Variants in RFX3 observed in about 807,000 individuals in gnomAD.
RFX3 encodes the protein transcription factor RFX3.
In RFX3, 14 loss-of-function variants were observed where a neutral mutation model predicts 98.6. The ratio of observed to expected loss-of-function variants is 0.14; its 90% CI spans 0.09 to 0.22. RFX3 has a LOEUF of 0.22. Ranked by LOEUF, RFX3 falls within the 10% of genes least tolerant of loss-of-function variation. The probability of loss-of-function intolerance (pLI) is 1.00; values close to 1 mark genes in which losing one functional copy is unlikely to be tolerated. For missense variants in RFX3, 639 were observed against 926.9 expected, an observed-to-expected ratio of 0.69 and a Z score of 4.03; for synonymous variants, 383 against 328.4, an observed-to-expected ratio of 1.17 and a Z score of -1.80.
chr9:3,511,879 G>C (rs1257572345), intron 1 of RFX3, among the ~76,000 whole-genome samples: 1 of 152,030 alleles, frequency 6.6e-6, no homozygotes, highest in African/African-American at 2.4e-5. Context: ...TCCTGATTTA[G>C]AAATGCTGTG....
At chr9:3,389,484 G>A (rs900931668) in intron 2 of RFX3, among the ~76,000 whole-genome samples, 8 of 152,078 alleles carry the variant, frequency 5.3e-5, no homozygotes, top group Non-Finnish European at 1.0e-4. Context: ...GGGCAACAAT[G>A]TCTATATTTG....
intron 15 of RFX3, among the ~76,000 whole-genome samples, chr9:3,236,934 T>C (rs569474177): frequency 6.6e-6 from 1 of 152,338 alleles, no homozygotes; most frequent in South Asian, 2.1e-4. Flanking sequence ...GGAAAGAAGA[T>C]TTTTAAGCTG....
intron 1 of RFX3, among the ~76,000 whole-genome samples, chr9:3,502,176 G>A (rs1046341922): frequency 1.5e-4 from 23 of 151,340 alleles, no homozygotes; most frequent in African/African-American, 5.3e-4. Flanking sequence ...GGAGAATGGT[G>A]TGAACCCGGG....
chr9:3,436,521 T>C (rs987922399), intron 1 of RFX3, among the ~76,000 whole-genome samples: 8 of 152,072 alleles, frequency 5.3e-5, no homozygotes, highest in Non-Finnish European at 1.0e-4. Flanking sequence ...AAAACTAATA[T>C]ACCTTAAAAT....
At position 3,505,281 on chromosome 9, in the gene RFX3, T is replaced by TA. The variant is rs1564187076; in HGVS notation, c.-9+20465dup. 4.3e-3 allele frequency among the ~76,000 whole-genome samples: 312 copies of TA among 72,922 alleles called. 45 individuals carry two copies. The highest frequency in any genetic ancestry group is 0.018 in the East Asian group (49 of 2,690). 47.8% of individuals were successfully genotyped at this position (72,922 alleles called of 152,430 possible). A position where few individuals can be genotyped will look rare whatever the true frequency, so the allele number is the denominator to read the frequency against. On this transcript the variant is annotated intron_variant, in intron 1 of 16. Transcript: ENST00000617270. Reference sequence around the variant, plus strand: ...ATATATTTATATATATATGAATATATACATTTTTATATTTATATATATATA... The same window carrying TA: ...ATATATTTATATATATATGAATATATAACATTTTTATATTTATATATATATA...
At chr9:3,436,051 G>A (rs1025287651) in intron 1 of RFX3, among the ~76,000 whole-genome samples, 3 of 151,894 alleles carry the variant, frequency 2.0e-5, no homozygotes, top group Admixed American at 6.6e-5. Flanking sequence ...ATTTGGTCAT[G>A]TACATCCTTG....
chr9:3,431,242 A>G (rs1479581143), intron 1 of RFX3, among the ~76,000 whole-genome samples: 3 of 152,112 alleles, frequency 2.0e-5, no homozygotes, highest in Non-Finnish European at 4.4e-5. Context: ...ATTTTTCATC[A>G]TATTTAGTGC....
intron 7 of RFX3, among the ~76,000 whole-genome samples, chr9:3,280,338 G>C (rs1042148463): frequency 6.6e-6 from 1 of 151,756 alleles, no homozygotes; most frequent in Non-Finnish European, 1.5e-5. Context: ...AGAGCTTCCA[G>C]GTAGTGATAA....
At chr9:3,259,894 A>G (rs565180455) in intron 13 of RFX3, among the ~76,000 whole-genome samples, 1 of 152,178 alleles carries the variant, frequency 6.6e-6, no homozygotes, top group East Asian at 1.9e-4. Flanking sequence ...ATTGTTTTAA[A>G]TAGAAGTCTC....
Position 3,472,591 on chromosome 9 carries a change from T to C in RFX3, c.-9+53156A>G, listed in dbSNP as rs191025195. ...AATTCCAATACAGAATCACAATTTA[T>C]ACTATACAAAAGATACGGATTTAGA... is the stretch of plus-strand genomic sequence containing the variant. On this transcript the variant is annotated intron_variant, in intron 1 of 16. Coordinates refer to ENST00000617270, the MANE Select transcript of RFX3 (RefSeq NM_001282116.2). Among the ~76,000 whole-genome samples the C allele has an allele frequency of 1.9e-3, 284 of 152,316 alleles. 2 individuals are homozygous for C. The highest frequency in any genetic ancestry group is 6.6e-3 in the African/African-American group (276 of 41,570).
At chr9:3,436,668 G>A (rs995898304) in intron 1 of RFX3, among the ~76,000 whole-genome samples, 6 of 152,086 alleles carry the variant, frequency 3.9e-5, no homozygotes, top group Non-Finnish European at 5.9e-5. Context: ...ACAATCCTTC[G>A]CATGAACTAA....
chr9:3,425,959 T>C (rs1843977694), intron 1 of RFX3, among the ~76,000 whole-genome samples: 1 of 152,206 alleles, frequency 6.6e-6, no homozygotes, highest in Admixed American at 6.5e-5. Context: ...TTCTTTTCAG[T>C]TCTTGAATTT....
chr9:3,365,730 T>C (rs1271403973), intron 2 of RFX3, among the ~76,000 whole-genome samples: 1 of 152,048 alleles, frequency 6.6e-6, no homozygotes, highest in African/African-American at 2.4e-5. Flanking sequence ...CCAAGTAAAA[T>C]GCAACTGCAT....
In RFX3 at chr9:3,352,059, T is replaced by C. The variant is rs1193127354; in HGVS notation, c.118-5295A>G. Among the ~76,000 whole-genome samples the C allele has an allele frequency of 4.6e-5, 7 of 151,978 alleles. No homozygotes were observed. In the South Asian group the frequency reaches 1.2e-3, roughly 27 times the overall value. On this transcript the variant is annotated intron_variant, in intron 2 of 16. Coordinates refer to ENST00000617270, the MANE Select transcript of RFX3 (RefSeq NM_001282116.2). ...TATGAAGTGAATCTTAGTTCAACCA[T>C]TCCATAGAATACATGGCTGATATAA... is the stretch of plus-strand genomic sequence containing the variant.
intron 1 of RFX3, among the ~76,000 whole-genome samples, chr9:3,525,347 G>C (rs778204338): frequency 1.3e-5 from 2 of 152,188 alleles, no homozygotes; most frequent in African/African-American, 2.4e-5. Flanking sequence ...ATTAAAGAAA[G>C]AACAAATTCT....
chr9:3,506,609 T>C (rs1394349942), intron 1 of RFX3, among the ~76,000 whole-genome samples: 1 of 151,868 alleles, frequency 6.6e-6, no homozygotes, highest in African/African-American at 2.4e-5. Flanking sequence ...CTTCTGAAAG[T>C]AAGATATTAG....
At chr9:3,309,415 C>A (rs1424404768) in intron 4 of RFX3, among the ~76,000 whole-genome samples, 2 of 152,124 alleles carry the variant, frequency 1.3e-5, no homozygotes, top group Non-Finnish European at 2.9e-5. Flanking sequence ...GAAAACTTCC[C>A]CAATCACCAA....
intron 2 of RFX3, among the ~76,000 whole-genome samples, chr9:3,363,745 T>C (rs184821975): frequency 1.2e-4 from 19 of 152,344 alleles, no homozygotes; most frequent in South Asian, 4.1e-4. Context: ...CAGCTGGCAG[T>C]GATTCCAGAT....
chr9:3,373,241 T>C (rs920077830), intron 2 of RFX3, among the ~76,000 whole-genome samples: 6 of 152,138 alleles, frequency 3.9e-5, no homozygotes, highest in African/African-American at 1.4e-4. Flanking sequence ...AACTCCTCAC[T>C]CTGCAATTCA....
Sources: allele counts gnomAD v4.1 joint callset (sites outside exome capture counted in the v4.1 genomes callset), GRCh38; gene constraint gnomAD v4.1.1; transcripts MANE v1.5; gene names NCBI Gene and HGNC (gene_info 2026-07-23, HGNC 2026-07-21).